Variants in ZBTB8A observed in about 807,000 individuals in gnomAD.
The protein encoded by ZBTB8A is zinc finger and BTB domain containing 8A.
ZBTB8A carries 19 observed loss-of-function variants against 37.8 expected under a neutral mutation model. The observed-to-expected ratio is 0.50, with a 90% CI of 0.35 to 0.74. The LOEUF is 0.74. Ranked by LOEUF, ZBTB8A falls within the 30% of genes least tolerant of loss-of-function variation. The pLI is 0.01. For synonymous variants in ZBTB8A, 181 were observed against 185.2 expected (o/e 0.98, Z 0.19); for missense variants, 394 against 537.8 (o/e 0.73, Z 2.65).
In ZBTB8A at chr1:32,604,246, T is replaced by C. The variant is rs1030368775; in HGVS notation, c.*3827T>C. The C allele has an allele frequency of 1.3e-5, 2 of 152,188 alleles. No individual in the cohort carries two copies. Among genetic ancestry groups the C allele is most frequent in the Non-Finnish European group, 2.9e-5 (2 of 68,038 alleles). 9.4% of individuals were successfully genotyped at this position (152,188 alleles called of 1,614,324 possible). A position where few individuals can be genotyped will look rare whatever the true frequency, so the allele number is the denominator to read the frequency against. On this transcript the variant is annotated 3_prime_UTR_variant, in exon 5 of 5. Transcript: ENST00000373510. ...AGTGTCTGGGAGAAACAAAATGGAC[T>C]AGACCTGCAGTTTAAAATAATTTAA...
intron 1 of ZBTB8A, among the ~76,000 whole-genome samples, chr1:32,550,786 G>A (rs143461021): frequency 0.11 from 17,326 of 151,804 alleles, 1,086 homozygotes; most frequent in African/African-American, 0.18. Context: ...GTGAAACCCC[G>A]CCTCTACTAA....
intron 2 of ZBTB8A, among the ~76,000 whole-genome samples, chr1:32,559,268 C>G (rs552748821): frequency 3.3e-5 from 5 of 152,120 alleles, no homozygotes; most frequent in Non-Finnish European, 5.9e-5. Flanking sequence ...CCCGCCACCA[C>G]ACCTGGCTAA....
chr1:32,579,067 G>C (rs141542203), intron 2 of ZBTB8A, among the ~76,000 whole-genome samples: 1 of 152,160 alleles, frequency 6.6e-6, no homozygotes, highest in East Asian at 1.9e-4. Flanking sequence ...TAGGTTAGTC[G>C]TACTACTAAG....
intron 2 of ZBTB8A, among the ~76,000 whole-genome samples, chr1:32,555,866 G>C (rs1360031123): frequency 6.6e-6 from 1 of 151,478 alleles, no homozygotes; most frequent in Non-Finnish European, 1.5e-5. Context: ...TCTGGACTCT[G>C]GACTTCCCAA....
In ZBTB8A at chr1:32,605,704, C is replaced by CAAAAAAAAAAAAA. The variant is rs555736414; in HGVS notation, c.*5299_*5311dup. On this transcript the variant is annotated 3_prime_UTR_variant, in exon 5 of 5. Transcript: ENST00000373510. ...TGGGTGACAGAGCGAGACTCCACCT[C>CAAAAAAAAAAAAA]AAAAAAAAAAAAAAAAAAAAAAAAA... The CAAAAAAAAAAAAA allele has an allele frequency of 1.0e-3, 19 of 18,412 alleles. 2 individuals are homozygous for CAAAAAAAAAAAAA. The highest frequency in any genetic ancestry group is 3.1e-3 in the African/African-American group (18 of 5,866). The allele number at this position is 18,412 out of a possible 1,614,324, so 1.1% of individuals were successfully genotyped here.
intron 2 of ZBTB8A, among the ~76,000 whole-genome samples, chr1:32,585,089 G>A (rs72652195): frequency 0.12 from 16,259 of 137,466 alleles, 1,005 homozygotes; most frequent in African/African-American, 0.19. Flanking sequence ...GGAGTGCAGT[G>A]GCACCATCAT....
At chr1:32,576,037 A>G (rs964364517) in intron 2 of ZBTB8A, among the ~76,000 whole-genome samples, 1 of 152,230 alleles carries the variant, frequency 6.6e-6, no homozygotes, top group African/African-American at 2.4e-5. Context: ...AGCTTCATAT[A>G]TAGCAGATTT....
At chr1:32,561,002 T>G (rs967336823) in intron 2 of ZBTB8A, among the ~76,000 whole-genome samples, 1 of 152,050 alleles carries the variant, frequency 6.6e-6, no homozygotes, top group African/African-American at 2.4e-5. Flanking sequence ...GCCAATGATG[T>G]TCTTACTGCT....
rs1281735131 is a variant in ZBTB8A, at chr1:32,592,924, T to G, written c.-1-7T>G. On this transcript the variant is annotated splice_polypyrimidine_tract_variant and splice_region_variant and intron_variant, in intron 2 of 4. Transcript: ENST00000373510. ...TTTGGTAACCACATGTGTCTTTTCC[T>G]CTTCAGAATGGAGATCTCCTCTCAT... is the stretch of plus-strand genomic sequence containing the variant. The G allele has an allele frequency of 6.3e-7, 1 of 1,584,496 alleles. No homozygotes were observed. Among genetic ancestry groups the G allele is most frequent in the Admixed American group, 1.9e-5 (1 of 53,372 alleles).
intron 2 of ZBTB8A, among the ~76,000 whole-genome samples, chr1:32,554,346 T>A (rs1368787750): frequency 5.3e-5 from 8 of 151,936 alleles, no homozygotes; most frequent in Non-Finnish European, 1.2e-4. Flanking sequence ...TAATTTTTTT[T>A]AATGACATCT....
intron 2 of ZBTB8A, among the ~76,000 whole-genome samples, chr1:32,588,603 G>C (rs192629805): frequency 4.6e-5 from 7 of 151,980 alleles, no homozygotes; most frequent in Non-Finnish European, 8.8e-5. Context: ...AGTGTTTTAG[G>C]ATGAAGACAA....
At chr1:32,566,473 C>T (rs185268519) in intron 2 of ZBTB8A, among the ~76,000 whole-genome samples, 136 of 152,018 alleles carry the variant, frequency 8.9e-4, no homozygotes, top group African/African-American at 1.6e-3. Context: ...TGCAATGAGC[C>T]GTGATAGTGC....
chr1:32,586,214 G>A (rs1218187591), intron 2 of ZBTB8A, among the ~76,000 whole-genome samples: 1 of 151,872 alleles, frequency 6.6e-6, no homozygotes, highest in Non-Finnish European at 1.5e-5. Flanking sequence ...AGCTACTCAG[G>A]ATGCTGAGGC....
At chr1:32,570,317 A>G (rs1339927930) in intron 2 of ZBTB8A, among the ~76,000 whole-genome samples, 21 of 152,164 alleles carry the variant, frequency 1.4e-4, no homozygotes, top group African/African-American at 4.8e-4. Context: ...CTTGGTTACC[A>G]TAGTTATAGT....
In ZBTB8A at chr1:32,600,401, T is replaced by G. The variant is rs752526056; in HGVS notation, c.1308T>G (p.Ile436Met). ...DDSEEEEEKE[I>M]KPNIR The stretch of plus-strand genomic sequence containing the variant: ...GTGAAGAAGAAGAAGAAAAAGAAAT[T>G]AAGCCCAACATTAGGTAGCTGTAAT... Residue 436 changes from isoleucine to methionine, a missense_variant, in exon 5 of 5, where the codon ATT becomes ATG. Around this residue, in one of 4 missense-constraint regions of ZBTB8A, gnomAD observed 85 missense variants for 89.0 expected, o/e 0.95. Transcript: ENST00000373510. 94 of 1,611,484 alleles carry G rather than the reference T, an allele frequency of 5.8e-5. No individual in the cohort carries two copies. Among genetic ancestry groups the G allele is most frequent in the Non-Finnish European group, 7.5e-5 (88 of 1,179,070 alleles).
intron 2 of ZBTB8A, among the ~76,000 whole-genome samples, chr1:32,554,158 C>A (rs998623795): frequency 6.8e-6 from 1 of 147,418 alleles, no homozygotes. Context: ...CAAGATCACA[C>A]CAGTGCACTC....
chr1:32,593,219 AG>A lies in ZBTB8A; in HGVS notation c.289del (p.Glu97LysfsTer2). 6.2e-7 allele frequency: 1 copy of A among 1,614,212 alleles called. No individual in the cohort carries two copies. Among genetic ancestry groups the A allele is most frequent in the Non-Finnish European group, 8.5e-7 (1 of 1,180,046 alleles). ...TGTCTCTTACTGGTCAGAATGTCAT[AG>A]AAGTGATGTCGGCTGCTAGCTTCCT... Reference protein sequence around the residue: ...KLSLTGQNVIEVMSAASFLQM... With the variant: ...KLSLTGQNVIXVMSAASFLQM... On this transcript the variant is annotated frameshift_variant, in exon 3 of 5. Transcript: ENST00000373510. LOFTEE classifies it high-confidence loss of function.
chr1:32,598,748 A>G (rs1209502066), intron 4 of ZBTB8A, among the ~76,000 whole-genome samples: 1 of 152,212 alleles, frequency 6.6e-6, no homozygotes, highest in Non-Finnish European at 1.5e-5. Flanking sequence ...ACTGTTTACC[A>G]AAGCATTTCA....
intron 2 of ZBTB8A, among the ~76,000 whole-genome samples, chr1:32,591,154 C>G (rs763747657): frequency 6.6e-6 from 1 of 151,366 alleles, no homozygotes; most frequent in Non-Finnish European, 1.5e-5. Flanking sequence ...AGTGATCTGC[C>G]TGCCTCAGCC....
Sources: gnomAD v4.1 joint callset for allele counts (sites outside exome capture counted in the v4.1 genomes callset) on GRCh38, gnomAD v4.1.1 for gene constraint, gnomAD v4.1.1 regional missense constraint, MANE v1.5 for transcripts, NCBI Gene and HGNC (gene_info 2026-07-23, HGNC 2026-07-21) for gene names.